The following RBFOX3 variants were observed in gnomAD, a reference collection of about 807,000 sequenced individuals.
RBFOX3 encodes RNA binding fox-1 homolog 3, also known as RNA binding protein fox-1 homolog 3.
Under a neutral mutation model 48.7 loss-of-function variants are expected in RBFOX3, and 17 were observed. The observed-to-expected ratio is 0.35, with a 90% CI of 0.24 to 0.52. RBFOX3 has a LOEUF of 0.52. Among genes scored for constraint, RBFOX3 ranks in the 20% least tolerant of loss-of-function variants. RBFOX3 has a pLI of 0.94. For synonymous variants in RBFOX3, 212 were observed against 209.5 expected (o/e 1.01, Z -0.10); for missense variants, 382 against 497.5 (o/e 0.77, Z 2.21).
In RBFOX3 at chr17:79,146,726, C is replaced by T. The variant is rs1043616214; in HGVS notation, c.-33-30978G>A. ...GGTGCCTGCCCAGGGCCCAGAAAAGCTTCTCCATGGGGGCCTGGGCCTGCA... is the reference window on the plus strand; with the variant it reads ...GGTGCCTGCCCAGGGCCCAGAAAAGTTTCTCCATGGGGGCCTGGGCCTGCA... On this transcript the variant is annotated intron_variant, in intron 4 of 14. Coordinates refer to ENST00000693108, the MANE Select transcript of RBFOX3 (RefSeq NM_001350451.2). Among the ~76,000 whole-genome samples, 20 of 152,200 alleles carry T rather than the reference C, an allele frequency of 1.3e-4. 1 individual carries two copies. Among genetic ancestry groups the T allele is most frequent in the African/African-American group, 4.3e-4 (18 of 41,466 alleles).
chr17:79,582,220 G>A (rs2093091851), intron 1 of RBFOX3, among the ~76,000 whole-genome samples: 1 of 152,080 alleles, frequency 6.6e-6, no homozygotes, highest in Non-Finnish European at 1.5e-5. Flanking sequence ...GTGCGTGCCT[G>A]TGTATGCATG....
At chr17:79,272,244 G>A (rs552132935) in intron 3 of RBFOX3, among the ~76,000 whole-genome samples, 1 of 152,296 alleles carries the variant, frequency 6.6e-6, no homozygotes, top group East Asian at 1.9e-4. Flanking sequence ...TTGTGGCTGG[G>A]GGCGGGGGGC....
chr17:79,519,671 A>G lies in RBFOX3; in HGVS notation c.-319-37073T>C, dbSNP rs1033093794. Reference sequence around the variant, plus strand: ...TAAGCCCTTGGAGTAGCCTGCCTGAAAGAGCATCCCTGTTTACCTCGGGCC... The same window carrying G: ...TAAGCCCTTGGAGTAGCCTGCCTGAGAGAGCATCCCTGTTTACCTCGGGCC... On this transcript the variant is annotated intron_variant, in intron 1 of 14. Transcript: ENST00000693108. Among the ~76,000 whole-genome samples the G allele has an allele frequency of 5.9e-5, 9 of 152,292 alleles. 1 individual carries two copies. The highest frequency in any genetic ancestry group is 2.0e-4 in the Admixed American group (3 of 15,302).
chr17:79,344,544 T>TTTAA (rs1404901405), intron 2 of RBFOX3, among the ~76,000 whole-genome samples: 1 of 146,038 alleles, frequency 6.8e-6, no homozygotes, highest in Non-Finnish European at 1.5e-5. Context: ...TGTTTGATTA[T>TTTAA]TTATTTATTT....
At chr17:79,097,501 C>G in intron 10 of RBFOX3, 77 bp from the exon 11 acceptor site, 2 of 1,348,592 alleles carry the variant, frequency 1.5e-6, no homozygotes, top group Non-Finnish European at 1.9e-6. Context: ...GTACACCTAG[C>G]CCCCCCGCGC....
intron 3 of RBFOX3, among the ~76,000 whole-genome samples, chr17:79,285,131 T>G (rs529868300): frequency 3.3e-4 from 50 of 152,242 alleles, no homozygotes; most frequent in Non-Finnish European, 6.0e-4. Context: ...AGAAGATGCT[T>G]GAAAATCTCC....
At chr17:79,388,587 C>T (rs1813068062) in intron 2 of RBFOX3, among the ~76,000 whole-genome samples, 1 of 152,194 alleles carries the variant, frequency 6.6e-6, no homozygotes, top group Non-Finnish European at 1.5e-5. Context: ...TAAGCTGGCT[C>T]TGAGCGCCCC....
chr17:79,544,316 C>T (rs1347110675), intron 1 of RBFOX3, among the ~76,000 whole-genome samples: 2 of 152,050 alleles, frequency 1.3e-5, no homozygotes, highest in Admixed American at 1.3e-4. Context: ...TGAGCTCAGG[C>T]GCGCTGGCAC....
At chr17:79,343,236 G>A (rs564002075) in intron 2 of RBFOX3, among the ~76,000 whole-genome samples, 1 of 152,184 alleles carries the variant, frequency 6.6e-6, no homozygotes, top group East Asian at 1.9e-4. Flanking sequence ...TTTTAAAACT[G>A]GAGGAAGGGC....
intron 5 of RBFOX3, among the ~76,000 whole-genome samples, chr17:79,110,578 CCTCCTAGGCA>C (rs2030850829): frequency 6.6e-6 from 1 of 152,228 alleles, no homozygotes; most frequent in African/African-American, 2.4e-5. Flanking sequence ...CCTCCAAAGA[CCTCCTAGGCA>C]CTCAGGCAAG....
At chr17:79,106,478 G>A (rs1275397640) in intron 6 of RBFOX3, among the ~76,000 whole-genome samples, 173 bp downstream of exon 6, 3 of 151,944 alleles carry the variant, frequency 2.0e-5, no homozygotes, top group African/African-American at 7.3e-5. Flanking sequence ...GTTCAGGTCA[G>A]GGCAGGGCTG....
At chr17:79,547,209 G>A (rs1207975698) in intron 1 of RBFOX3, among the ~76,000 whole-genome samples, 1 of 152,160 alleles carries the variant, frequency 6.6e-6, no homozygotes, top group African/African-American at 2.4e-5. Context: ...GCCACTTTTG[G>A]AGGCCGAGGC....
intron 1 of RBFOX3, among the ~76,000 whole-genome samples, chr17:79,565,543 G>T (rs1249936634): frequency 6.6e-6 from 1 of 152,172 alleles, no homozygotes; most frequent in South Asian, 2.1e-4. Flanking sequence ...GTTTCACCAT[G>T]TTGGTCAGGC....
At chr17:79,453,200 G>A (rs553348089) in intron 2 of RBFOX3, among the ~76,000 whole-genome samples, 2 of 152,386 alleles carry the variant, frequency 1.3e-5, no homozygotes, top group East Asian at 3.9e-4. Context: ...GCTGAAGAGT[G>A]CGTGTTGGCT....
chr17:79,260,142 A>G (rs2065513482), intron 3 of RBFOX3, among the ~76,000 whole-genome samples: 1 of 151,908 alleles, frequency 6.6e-6, no homozygotes, highest in Admixed American at 6.5e-5. Context: ...GGCCCAGCCC[A>G]TCGGCCACCT....
chr17:79,116,425 G>C (rs28443188), intron 4 of RBFOX3, among the ~76,000 whole-genome samples: 8,139 of 148,626 alleles, frequency 0.055, 257 homozygotes, highest in Middle Eastern at 0.11. Flanking sequence ...TGAGGCAGGA[G>C]AATCACTTCA....
rs186043252 is a variant in RBFOX3, at chr17:79,141,939, G to A, written c.-33-26191C>T. Among the ~76,000 whole-genome samples, 131 of 152,324 alleles carry A rather than the reference G, an allele frequency of 8.6e-4. 2 individuals carry two copies. Among genetic ancestry groups the A allele is most frequent in the Admixed American group, 3.5e-3 (54 of 15,310 alleles). On this transcript the variant is annotated intron_variant, in intron 4 of 14. Transcript: ENST00000693108. ...CCTGACCTCACAGGAAGAAAGGGACGCACACAGGTAGGAAAGCAAAGAAAC... is the reference window on the plus strand; with the variant it reads ...CCTGACCTCACAGGAAGAAAGGGACACACACAGGTAGGAAAGCAAAGAAAC...
At chr17:79,278,229 C>T (rs4789989) in intron 3 of RBFOX3, among the ~76,000 whole-genome samples, 67,865 of 151,994 alleles carry the variant, frequency 0.45, 15,836 homozygotes, top group East Asian at 0.79. Flanking sequence ...CCAGGCCTGA[C>T]GGGCTCCCTG....
chr17:79,642,818 G>A, the RBFOX3 span, among the ~76,000 whole-genome samples: 6 of 152,264 alleles, frequency 3.9e-5, no homozygotes, highest in Admixed American at 2.6e-4. Flanking sequence ...CAATAAGTAC[G>A]CAAAATACCA....
Sources: allele counts gnomAD v4.1 joint callset (sites outside exome capture counted in the v4.1 genomes callset), GRCh38; gene constraint gnomAD v4.1.1; transcripts MANE v1.5; gene names NCBI Gene and HGNC (gene_info 2026-07-23, HGNC 2026-07-21).